Variants in CDK5RAP1 observed in about 807,000 individuals in gnomAD.
The protein encoded by CDK5RAP1 is mitochondrial tRNA methylthiotransferase CDK5RAP1.
Under a neutral mutation model 64.5 loss-of-function variants are expected in CDK5RAP1, and 62 were observed. That is an observed-to-expected ratio of 0.96 (90% CI 0.78 to 1.19). CDK5RAP1 has a LOEUF of 1.19. Among genes scored for constraint, CDK5RAP1 ranks in the 50% most tolerant of loss-of-function variants. The probability of loss-of-function intolerance (pLI) is 0.00; values close to 1 mark genes in which losing one functional copy is unlikely to be tolerated. For synonymous variants in CDK5RAP1, 250 were observed against 261.9 expected, an observed-to-expected ratio of 0.95 and a Z score of 0.44; for missense variants, 657 against 735.0, an observed-to-expected ratio of 0.89 and a Z score of 1.23.
intron 1 of CDK5RAP1, among the ~76,000 whole-genome samples, chr20:33,399,618 T>C (rs1200824655): frequency 6.6e-6 from 1 of 152,250 alleles, no homozygotes; most frequent in East Asian, 1.9e-4. Context: ...CATCAGTGGT[T>C]CCCAACCTTT....
rs746557215 is a variant in CDK5RAP1 at position 33,385,649 on chromosome 20, C to T, written c.876+1G>A. The T allele has an allele frequency of 6.2e-6, 10 of 1,613,918 alleles. No individual in the cohort carries two copies. In the South Asian group the frequency reaches 1.1e-4, roughly 18 times the overall value. ...GCAAGAAAGCCTGGAGAACTCTTCA[C>T]CTGCTCAGAAAGCTTCTTCACTTCC... On this transcript the variant is annotated splice_donor_variant, in intron 7 of 13. Transcript: ENST00000346416. LOFTEE classifies it high-confidence loss of function.
intron 7 of CDK5RAP1, among the ~76,000 whole-genome samples, chr20:33,382,645 C>T (rs1232531104): frequency 6.6e-6 from 1 of 152,160 alleles, no homozygotes; most frequent in East Asian, 1.9e-4. Flanking sequence ...CGTGCCATTG[C>T]ACTCCAGCAT....
rs1427068771 is a variant in CDK5RAP1 at position 33,401,409 on chromosome 20, C to G, written c.-21+19G>C. 1 of 985,354 alleles carries G rather than the reference C, an allele frequency of 1.0e-6. No individual in the cohort carries two copies. Among genetic ancestry groups the G allele is most frequent in the Non-Finnish European group, 1.2e-6 (1 of 829,966 alleles). The allele number at this position is 985,354 out of a possible 1,614,324, so 61.0% of individuals were successfully genotyped here. On this transcript the variant is annotated intron_variant, in intron 1 of 13. Transcript: ENST00000346416. ...TCAAAAGCGGGTGCGCAGCCCACCC[C>G]GGCGGCCGCGCTGCTCACCTCCCGC...
In CDK5RAP1 at chr20:33,366,993, G is replaced by A; in HGVS notation, c.1408C>T (p.His470Tyr). The A allele has an allele frequency of 1.1e-5, 17 of 1,609,722 alleles. No homozygotes were observed. Among genetic ancestry groups the A allele is most frequent in the Non-Finnish European group, 1.4e-5 (17 of 1,178,268 alleles). The change falls in exon 12 of 14, where the codon CAT becomes TAT. Residue 470 changes from histidine (H) to tyrosine (Y), a missense_variant. By Grantham distance (83) the His-to-Tyr change is moderately conservative. Coordinates refer to ENST00000346416, the MANE Select transcript of CDK5RAP1 (RefSeq NM_016408.4). ...YSMRQKTRAYHRLKDDVPEEV... is the reference protein window; with the variant it reads ...YSMRQKTRAYYRLKDDVPEEV... ...TCCGGGACATCATCCTTCAGCCTAT[G>A]ATATGCCCGTGTCTTCTATTAAAAA...
chr20:33,380,949 G>A (rs968716227), intron 7 of CDK5RAP1, among the ~76,000 whole-genome samples: 6 of 152,144 alleles, frequency 3.9e-5, no homozygotes, highest in Non-Finnish European at 5.9e-5. Context: ...GCAGTGAGCC[G>A]AGACCATGCC....
At chr20:33,377,474 TTTC>T (rs931014569) in intron 8 of CDK5RAP1, among the ~76,000 whole-genome samples, 1 of 152,172 alleles carries the variant, frequency 6.6e-6, no homozygotes, top group Non-Finnish European at 1.5e-5. Flanking sequence ...GCTTCAAACT[TTTC>T]TTCTTCAGCT....
At chr20:33,372,787 G>T in intron 9 of CDK5RAP1, 90 bp from the exon 10 acceptor site, 1 of 851,700 alleles carries the variant, frequency 1.2e-6, no homozygotes. Context: ...ATTTCCACAT[G>T]TAATCACTTC....
intron 12 of CDK5RAP1, among the ~76,000 whole-genome samples, chr20:33,362,538 C>T (rs1388795492): frequency 1.3e-5 from 2 of 152,136 alleles, no homozygotes; most frequent in East Asian, 1.9e-4. Context: ...GAAACGTGAA[C>T]GTACACAAGG....
chr20:33,387,160 AG>A (rs1206723379), intron 6 of CDK5RAP1, among the ~76,000 whole-genome samples, 162 bp downstream of exon 6: 1 of 151,760 alleles, frequency 6.6e-6, no homozygotes, highest in Non-Finnish European at 1.5e-5. Context: ...CCAGCTACTC[AG>A]GGGACTAAAG....
chr20:33,384,120 G>A (rs1987121627), intron 7 of CDK5RAP1, among the ~76,000 whole-genome samples: 1 of 151,774 alleles, frequency 6.6e-6, no homozygotes, highest in African/African-American at 2.4e-5. Context: ...TCTGTTAAAG[G>A]TACAATATTC....
chr20:33,359,285 G>A (rs545936125), intron 13 of CDK5RAP1, 162 bp from the exon 14 acceptor site: 31 of 602,624 alleles, frequency 5.1e-5, no homozygotes, highest in East Asian at 3.0e-4. Context: ...GGCAGGAAGC[G>A]AGGTCTCATG....
intron 5 of CDK5RAP1, among the ~76,000 whole-genome samples, chr20:33,387,836 G>A (rs1987656779): frequency 1.3e-5 from 2 of 152,092 alleles, no homozygotes; most frequent in African/African-American, 2.4e-5. Context: ...GGGGGCCGAG[G>A]CAGGCGGATC....
chr20:33,375,872 A>G (rs941228840), intron 8 of CDK5RAP1, among the ~76,000 whole-genome samples: 1 of 152,106 alleles, frequency 6.6e-6, no homozygotes, highest in African/African-American at 2.4e-5. Context: ...ATATTTTTTA[A>G]ATATATCGAG....
intron 9 of CDK5RAP1, chr20:33,373,430 AG>A (rs1464992618): frequency 6.6e-6 from 1 of 152,298 alleles, no homozygotes; most frequent in Non-Finnish European, 1.5e-5. Flanking sequence ...CTTGGATTAC[AG>A]GCAGAAGCCA....
intron 3 of CDK5RAP1, 106 bp downstream of exon 3, chr20:33,394,907 T>G (rs1489179161): frequency 2.8e-6 from 2 of 725,008 alleles, no homozygotes; most frequent in African/African-American, 3.5e-5. Flanking sequence ...AAGGGAACTC[T>G]CTCTCACCAG....
At chr20:33,371,148 C>T (rs1984946932) in intron 10 of CDK5RAP1, among the ~76,000 whole-genome samples, 1 of 151,884 alleles carries the variant, frequency 6.6e-6, no homozygotes, top group African/African-American at 2.4e-5. Context: ...CAAAAATTGA[C>T]CAGGCAGGGT....
At chr20:33,366,055 A>G (rs145165804) in intron 12 of CDK5RAP1, among the ~76,000 whole-genome samples, 12 of 152,322 alleles carry the variant, frequency 7.9e-5, no homozygotes, top group African/African-American at 2.6e-4. Context: ...GCTGTGGCTC[A>G]CACCTGTAAT....
chr20:33,375,961 G>T (rs533803930), intron 8 of CDK5RAP1, among the ~76,000 whole-genome samples: 2 of 152,152 alleles, frequency 1.3e-5, no homozygotes, highest in Non-Finnish European at 2.9e-5. Context: ...TAGGCCAAGC[G>T]ATCCTCCTGT....
intron 10 of CDK5RAP1, among the ~76,000 whole-genome samples, chr20:33,371,556 G>A (rs1270516648): frequency 1.3e-5 from 2 of 152,112 alleles, no homozygotes; most frequent in Non-Finnish European, 2.9e-5. Context: ...GGCAGGCTGA[G>A]GCGGGCAGAT....
Sources: gnomAD v4.1 joint callset for allele counts (sites outside exome capture counted in the v4.1 genomes callset) on GRCh38, gnomAD v4.1.1 for gene constraint, MANE v1.5 for transcripts, NCBI Gene and HGNC (gene_info 2026-07-23, HGNC 2026-07-21) for gene names.